KDM5B: variants seen among roughly 807,000 people sequenced by gnomAD.
KDM5B encodes lysine-specific demethylase 5B.
A neutral mutation model predicts 193.4 loss-of-function variants in KDM5B; 144 were observed. The ratio of observed to expected loss-of-function variants is 0.74; its 90% CI spans 0.65 to 0.86. The LOEUF (loss-of-function observed/expected upper bound fraction) is 0.86, where lower values mean the gene tolerates loss of function less well. KDM5B is among the 40% of genes least tolerant of loss of function. The pLI is 0.00. For missense variants in KDM5B, 1,833 were observed against 1,886.9 expected (o/e 0.97, Z 0.53); for synonymous variants, 668 against 682.6 (o/e 0.98, Z 0.33).
intron 2 of KDM5B, among the ~76,000 whole-genome samples, chr1:202,776,720 C>A (rs779142817): frequency 1.3e-5 from 2 of 152,096 alleles, no homozygotes; most frequent in African/African-American, 2.4e-5. Context: ...CACCATCACA[C>A]GTGGCTAATT....
intron 16 of KDM5B, among the ~76,000 whole-genome samples, chr1:202,745,347 T>C (rs1042996426): frequency 6.6e-6 from 1 of 152,044 alleles, no homozygotes; most frequent in Admixed American, 6.5e-5. Context: ...AAAAACAAAC[T>C]ATATTTTCAT....
intron 10 of KDM5B, 47 bp downstream of exon 10, chr1:202,756,311 C>T (rs768325321): frequency 4.7e-6 from 7 of 1,487,744 alleles, no homozygotes; most frequent in African/African-American, 1.4e-5. Context: ...GCCAACCAAA[C>T]AGAATTTCAA....
In KDM5B at chr1:202,733,695, C is replaced by G; in HGVS notation, c.3615G>C (p.Ala1205=). The change falls in exon 23 of 27, where the codon GCG becomes GCC. Residue 1205 remains alanine, a synonymous_variant. Transcript: ENST00000367265. ...CRDAFHTSCV[A]VPSISQGLRI... The stretch of plus-strand genomic sequence containing the variant: ...GCAGGCCCTGTGAAATACTGGGTAC[C>G]GCCACACAACTGGTGTGGAAAGCAT... 1 of 1,614,120 alleles carries G rather than the reference C, an allele frequency of 6.2e-7. No homozygotes were observed. The highest frequency in any genetic ancestry group is 8.5e-7 in the Non-Finnish European group (1 of 1,180,016).
intron 1 of KDM5B, among the ~76,000 whole-genome samples, chr1:202,793,066 T>C (rs1657706858): frequency 6.6e-6 from 1 of 151,470 alleles, no homozygotes; most frequent in Admixed American, 6.6e-5. Context: ...TTCTAGGATC[T>C]ATGAAGGGAG....
intron 4 of KDM5B, among the ~76,000 whole-genome samples, chr1:202,768,458 C>T (rs1421865572): frequency 6.6e-6 from 1 of 152,160 alleles, no homozygotes; most frequent in Non-Finnish European, 1.5e-5. Context: ...CATAGAATCT[C>T]ACTAATGAGA....
Position 202,808,310 on chromosome 1 carries a change from G to A in KDM5B, c.-5C>T. 6.3e-7 allele frequency: 1 copy of A among 1,583,794 alleles called. No individual in the cohort carries two copies. Among genetic ancestry groups the A allele is most frequent in the Non-Finnish European group, 8.6e-7 (1 of 1,166,816 alleles). Reference sequence around the variant, plus strand: ...CAGTGTGGTGGCCGCCTCCATCACCGCAGGCTGGGCAAGGGCGAGGCGAAG... The same window carrying A: ...CAGTGTGGTGGCCGCCTCCATCACCACAGGCTGGGCAAGGGCGAGGCGAAG... On this transcript the variant is annotated 5_prime_UTR_variant, in exon 1 of 27. Transcript: ENST00000367265.
rs991363701 is a variant in KDM5B, at chr1:202,733,903, A to G, written c.3424-17T>C. The G allele has an allele frequency of 1.9e-6, 3 of 1,593,402 alleles. No individual in the cohort carries two copies. Among genetic ancestry groups the G allele is most frequent in the Non-Finnish European group, 8.5e-7 (1 of 1,169,894 alleles). On this transcript the variant is annotated splice_polypyrimidine_tract_variant and intron_variant, in intron 22 of 26. Coordinates refer to ENST00000367265, the MANE Select transcript of KDM5B (RefSeq NM_006618.5). ...AGTTGCCATCTGAAAAAGAGTTAAC[A>G]ATCAAGGATGATGTCCGAGATGGCT...
chr1:202,746,484 T>C (rs1467078282), intron 14 of KDM5B, 161 bp from the exon 15 acceptor site: 3 of 524,840 alleles, frequency 5.7e-6, no homozygotes, highest in African/African-American at 1.9e-5. Flanking sequence ...ACAAATGACC[T>C]AGCAAATACA....
At position 202,740,655 on chromosome 1, in the gene KDM5B, T is replaced by C. The variant is rs1435847905; in HGVS notation, c.3084+19A>G. ...TATGGATGCACTTACACATTCTGTA[T>C]ATACTTTTTAAAACCAACCTGCAGG... is the stretch of plus-strand genomic sequence containing the variant. On this transcript the variant is annotated intron_variant, in intron 20 of 26. Coordinates refer to ENST00000367265, the MANE Select transcript of KDM5B (RefSeq NM_006618.5). 3 of 1,608,068 alleles carry C rather than the reference T, an allele frequency of 1.9e-6. No individual in the cohort carries two copies. Among genetic ancestry groups the C allele is most frequent in the South Asian group, 1.1e-5 (1 of 90,710 alleles).
At chr1:202,777,570 G>A (rs1462360087) in intron 1 of KDM5B, among the ~76,000 whole-genome samples, 1 of 151,746 alleles carries the variant, frequency 6.6e-6, no homozygotes, top group Non-Finnish European at 1.5e-5. Flanking sequence ...CACAGCTGGT[G>A]GAAACCTCTG....
At chr1:202,795,753 T>G (rs1657819921) in intron 1 of KDM5B, among the ~76,000 whole-genome samples, 1 of 151,964 alleles carries the variant, frequency 6.6e-6, no homozygotes, top group African/African-American at 2.4e-5. Context: ...AACTAGGAAA[T>G]TTAAGTTTAT....
intron 1 of KDM5B, among the ~76,000 whole-genome samples, chr1:202,779,757 C>G (rs1186427228): frequency 6.6e-6 from 1 of 151,418 alleles, no homozygotes; most frequent in African/African-American, 2.4e-5. Flanking sequence ...GAGCCAAGAT[C>G]ATGCCTTTGC....
intron 13 of KDM5B, among the ~76,000 whole-genome samples, chr1:202,750,101 T>C (rs1655731108): frequency 6.6e-6 from 1 of 152,196 alleles, no homozygotes; most frequent in Admixed American, 6.5e-5. Flanking sequence ...ATAGACTCCA[T>C]TCTTCATCAA....
In KDM5B at chr1:202,728,054, C is replaced by T. The variant is rs1356199722; in HGVS notation, c.*982G>A. ...CAGAGCAGGACACAAAAGAAGAATC[C>T]CCTAATGTTGTTTGCAGGCTAACAT... On this transcript the variant is annotated 3_prime_UTR_variant, in exon 27 of 27. Coordinates refer to ENST00000367265, the MANE Select transcript of KDM5B (RefSeq NM_006618.5). The T allele has an allele frequency of 1.3e-5, 2 of 152,116 alleles. No homozygotes were observed. Among genetic ancestry groups the T allele is most frequent in the African/African-American group, 4.9e-5 (2 of 41,144 alleles). The allele number at this position is 152,116 out of a possible 1,614,324, so 9.4% of individuals were successfully genotyped here. A position where few individuals can be genotyped will look rare whatever the true frequency, so the allele number is the denominator to read the frequency against.
In KDM5B at chr1:202,808,318, G is replaced by C. The variant is rs778123542; in HGVS notation, c.-13C>G. On this transcript the variant is annotated 5_prime_UTR_variant, in exon 1 of 27. Coordinates refer to ENST00000367265, the MANE Select transcript of KDM5B (RefSeq NM_006618.5). The stretch of plus-strand genomic sequence containing the variant: ...TGGCCGCCTCCATCACCGCAGGCTG[G>C]GCAAGGGCGAGGCGAAGGTGGGCTC... The C allele has an allele frequency of 2.2e-5, 35 of 1,573,874 alleles. No homozygotes were observed. The highest frequency in any genetic ancestry group is 1.7e-6 in the Non-Finnish European group (2 of 1,162,490).
At chr1:202,796,721 G>T in intron 1 of KDM5B, 1 of 181,664 alleles carries the variant, frequency 5.5e-6, no homozygotes, top group South Asian at 1.4e-4. Flanking sequence ...GTTCAACTAC[G>T]AGCTAGTGAA....
At chr1:202,770,883 C>T (rs1418981420) in intron 4 of KDM5B, among the ~76,000 whole-genome samples, 1 of 152,194 alleles carries the variant, frequency 6.6e-6, no homozygotes, top group Non-Finnish European at 1.5e-5. Flanking sequence ...GAGTAAGTCC[C>T]TCACAAATAT....
chr1:202,726,455 GA>G lies in KDM5B; in HGVS notation c.*2580del, dbSNP rs1654676787. 1.3e-5 allele frequency: 2 copies of G among 151,986 alleles called. No homozygotes were observed. The highest frequency in any genetic ancestry group is 2.9e-5 in the Non-Finnish European group (2 of 67,982). The allele number at this position is 151,986 out of a possible 1,614,324, so 9.4% of individuals were successfully genotyped here. ...AATCCCCCAAAGTCTAATCTGGAAGGAAAAACAAAAAACAAACAGTATTCAT... is the reference window on the plus strand; with the variant it reads ...AATCCCCCAAAGTCTAATCTGGAAGGAAAACAAAAAACAAACAGTATTCAT... On this transcript the variant is annotated 3_prime_UTR_variant, in exon 27 of 27. Coordinates refer to ENST00000367265, the MANE Select transcript of KDM5B (RefSeq NM_006618.5).
chr1:202,737,641 AAACT>A (rs1400660437), intron 20 of KDM5B, among the ~76,000 whole-genome samples: 2 of 152,224 alleles, frequency 1.3e-5, no homozygotes, highest in South Asian at 2.1e-4. Flanking sequence ...CAGGGCTTTA[AAACT>A]AACTTCCAAT....
Sources: allele counts gnomAD v4.1 joint callset (sites outside exome capture counted in the v4.1 genomes callset), GRCh38; gene constraint gnomAD v4.1.1; transcripts MANE v1.5; gene names NCBI Gene and HGNC (gene_info 2026-07-23, HGNC 2026-07-21).